NCKAP5: variants seen among roughly 807,000 people sequenced by gnomAD.
NCKAP5 encodes nck-associated protein 5.
In NCKAP5, 92 loss-of-function variants were observed where a neutral mutation model predicts 167.0. The observed-to-expected ratio is 0.55, with a 90% confidence interval of 0.47 to 0.66. NCKAP5 has a LOEUF of 0.66. Ranked by LOEUF, NCKAP5 falls within the 30% of genes least tolerant of loss-of-function variation. NCKAP5 has a pLI of 0.00. For synonymous variants in NCKAP5, 891 were observed against 877.4 expected, an observed-to-expected ratio of 1.02 and a Z score of -0.27; for missense variants, 2,378 against 2,315.0, an observed-to-expected ratio of 1.03 and a Z score of -0.56.
At chr2:133,217,438 A>G (rs2086479019) in intron 4 of NCKAP5, among the ~76,000 whole-genome samples, 1 of 152,156 alleles carries the variant, frequency 6.6e-6, no homozygotes, top group Admixed American at 6.5e-5. Flanking sequence ...ATACTGAAAC[A>G]TGGAGATATT....
intron 9 of NCKAP5, among the ~76,000 whole-genome samples, chr2:132,872,891 G>T (rs1690940323): frequency 6.6e-6 from 1 of 152,134 alleles, no homozygotes; most frequent in South Asian, 2.1e-4. Context: ...ATGCGCAGGG[G>T]ATGGGAGAGA....
At chr2:133,039,476 A>G (rs1440380797) in intron 6 of NCKAP5, among the ~76,000 whole-genome samples, 3 of 152,130 alleles carry the variant, frequency 2.0e-5, no homozygotes, top group Non-Finnish European at 4.4e-5. Flanking sequence ...AGAGTCTTTG[A>G]TCTTGAATTT....
At chr2:133,177,608 A>G (rs2084527086) in intron 5 of NCKAP5, among the ~76,000 whole-genome samples, 1 of 152,110 alleles carries the variant, frequency 6.6e-6, no homozygotes, top group African/African-American at 2.4e-5. Flanking sequence ...GGTTTGTAAA[A>G]CTGTGGTCTA....
At chr2:132,724,896 GT>G in intron 19 of NCKAP5, among the ~76,000 whole-genome samples, 1 of 151,364 alleles carries the variant, frequency 6.6e-6, no homozygotes, top group South Asian at 2.1e-4. Context: ...TATCAAACTT[GT>G]TTTAAAAAAA....
At chr2:132,925,334 C>G (rs1337882066) in intron 8 of NCKAP5, among the ~76,000 whole-genome samples, 1 of 150,862 alleles carries the variant, frequency 6.6e-6, no homozygotes, top group East Asian at 2.0e-4. Context: ...GCGGGCAGAT[C>G]AGAAGGTCAG....
intron 5 of NCKAP5, 34 bp from the exon 6 acceptor site, chr2:133,130,145 A>C: frequency 6.3e-7 from 1 of 1,584,394 alleles, no homozygotes. Context: ...ACTTTTAGGA[A>C]GGTGTTTATG....
At chr2:133,144,387 G>A (rs2083110890) in intron 5 of NCKAP5, among the ~76,000 whole-genome samples, 1 of 152,080 alleles carries the variant, frequency 6.6e-6, no homozygotes, top group Non-Finnish European at 1.5e-5. Flanking sequence ...TGGACTCCTA[G>A]TCAAGATTAC....
chr2:133,223,125 TG>T (rs35749464), intron 4 of NCKAP5, among the ~76,000 whole-genome samples: 84,095 of 151,874 alleles, frequency 0.55, 24,703 homozygotes, highest in African/African-American at 0.76. Flanking sequence ...TAGGTTTTGT[TG>T]TCAGTTAACA....
chr2:133,269,252 C>A (rs2089399357), intron 4 of NCKAP5, among the ~76,000 whole-genome samples: 2 of 152,228 alleles, frequency 1.3e-5, no homozygotes, highest in South Asian at 2.1e-4. Flanking sequence ...AAATTTTTTA[C>A]CTTGTGGAGC....
At chr2:133,054,155 T>C (rs2079707632) in intron 6 of NCKAP5, among the ~76,000 whole-genome samples, 1 of 152,210 alleles carries the variant, frequency 6.6e-6, no homozygotes, top group African/African-American at 2.4e-5. Flanking sequence ...TATCTAATTA[T>C]ACACTAATTC....
intron 4 of NCKAP5, among the ~76,000 whole-genome samples, chr2:133,291,987 G>C (rs1679631959): frequency 1.3e-5 from 2 of 152,108 alleles, no homozygotes; most frequent in Admixed American, 6.5e-5. Flanking sequence ...TCTTGGAGAG[G>C]CCCAAACACC....
chr2:133,360,917 C>T (rs1419772110), intron 3 of NCKAP5, among the ~76,000 whole-genome samples: 1 of 149,910 alleles, frequency 6.7e-6, no homozygotes, highest in Non-Finnish European at 1.5e-5. Flanking sequence ...GGAACCAATA[C>T]ATGGTTTGAA....
intron 3 of NCKAP5, among the ~76,000 whole-genome samples, chr2:133,444,935 C>T (rs958071034): frequency 2.6e-5 from 4 of 152,132 alleles, no homozygotes; most frequent in African/African-American, 9.7e-5. Context: ...TAATTACTTG[C>T]ATTTTAAGAT....
chr2:133,238,970 G>A (rs2150288055), intron 4 of NCKAP5, among the ~76,000 whole-genome samples: 2 of 152,236 alleles, frequency 1.3e-5, no homozygotes, highest in South Asian at 4.1e-4. Context: ...GGTTAATAGT[G>A]AACCCCAATT....
At chr2:132,878,638 ACACACACACACACACACG>A (rs140434127) in intron 9 of NCKAP5, among the ~76,000 whole-genome samples, 192 bp downstream of exon 9, 41,977 of 121,876 alleles carry the variant, frequency 0.34, 5,897 homozygotes, top group East Asian at 0.48. Context: ...ACACACACAC[ACACACACACACACACACG>A]CACGCATACA....
intron 3 of NCKAP5, among the ~76,000 whole-genome samples, chr2:133,326,953 G>C (rs1682496371): frequency 6.6e-6 from 1 of 152,232 alleles, no homozygotes; most frequent in South Asian, 2.1e-4. Context: ...TGCTGCTGCT[G>C]CTGCCGCCAG....
At chr2:132,738,763 T>C (rs946062781) in intron 16 of NCKAP5, among the ~76,000 whole-genome samples, 1 of 151,662 alleles carries the variant, frequency 6.6e-6, no homozygotes, top group African/African-American at 2.4e-5. Flanking sequence ...TTACTCATAA[T>C]GGAAGGCAAG....
intron 9 of NCKAP5, among the ~76,000 whole-genome samples, chr2:132,877,896 C>G (rs1043991346): frequency 6.6e-6 from 1 of 152,140 alleles, no homozygotes; most frequent in Non-Finnish European, 1.5e-5. Flanking sequence ...TGGAACCAGA[C>G]GAAATGCAGT....
At chr2:133,510,543 A>G (rs1252429489) in intron 3 of NCKAP5, among the ~76,000 whole-genome samples, 1 of 152,146 alleles carries the variant, frequency 6.6e-6, no homozygotes, top group African/African-American at 2.4e-5. Flanking sequence ...TCCCACCTCC[A>G]TTCCTTTGTC....
Sources: allele counts gnomAD v4.1 joint callset (sites outside exome capture counted in the v4.1 genomes callset), GRCh38; gene constraint gnomAD v4.1.1; transcripts MANE v1.5; gene names NCBI Gene and HGNC (gene_info 2026-07-23, HGNC 2026-07-21).